PITPNM2: variants seen among roughly 807,000 people sequenced by gnomAD.
PITPNM2 encodes the protein membrane-associated phosphatidylinositol transfer protein 2.
A neutral mutation model predicts 132.2 loss-of-function variants in PITPNM2; 35 were observed. That is an observed-to-expected ratio of 0.26 (90% confidence interval 0.20 to 0.35). PITPNM2 has a LOEUF of 0.35. Among genes scored for constraint, PITPNM2 ranks in the 10% least tolerant of loss-of-function variants. The pLI is 1.00. For synonymous variants in PITPNM2, 738 were observed against 799.2 expected, an observed-to-expected ratio of 0.92 and a Z score of 1.29; for missense variants, 1,332 against 1,912.0, an observed-to-expected ratio of 0.70 and a Z score of 5.66.
chr12:123,067,612 G>C (rs1382952530), intron 2 of PITPNM2, among the ~76,000 whole-genome samples: 2 of 152,208 alleles, frequency 1.3e-5, no homozygotes, highest in Non-Finnish European at 2.9e-5. Flanking sequence ...GCCACCAGAA[G>C]CTGCAAGAGG....
At chr12:123,130,835 T>C (rs778092272) in intron 1 of PITPNM2, among the ~76,000 whole-genome samples, 1 of 152,278 alleles carries the variant, frequency 6.6e-6, no homozygotes, top group Non-Finnish European at 1.5e-5. Context: ...CAGCCTTCCC[T>C]GTAATAAATG....
chr12:122,987,181 C>T, intron 23 of PITPNM2, 100 bp downstream of exon 23: 3 of 1,526,940 alleles, frequency 2.0e-6, no homozygotes, highest in Non-Finnish European at 1.8e-6. Flanking sequence ...AGCCAGGCGT[C>T]CCCCACAGAG....
At chr12:123,144,710 A>T (rs1033163561) in intron 1 of PITPNM2, among the ~76,000 whole-genome samples, 1 of 152,116 alleles carries the variant, frequency 6.6e-6, no homozygotes. Flanking sequence ...GATTACAGGC[A>T]TGAGCCACTG....
At chr12:123,035,820 G>A (rs1349727474) in intron 2 of PITPNM2, among the ~76,000 whole-genome samples, 1 of 152,144 alleles carries the variant, frequency 6.6e-6, no homozygotes, top group African/African-American at 2.4e-5. Flanking sequence ...TTAACATGAA[G>A]CCAAGTGAAG....
rs748165931 is a variant in PITPNM2 at position 122,986,840 on chromosome 12, G to T, written c.3414-11C>A. On this transcript the variant is annotated splice_polypyrimidine_tract_variant and intron_variant, in intron 23 of 25. Transcript: ENST00000320201. Reference sequence around the variant, plus strand: ...AGGTCCTGCCAGTGCCTGGGGGTGAGGTGTCGTCTCATGGTCACCCCTTCC... The same window carrying T: ...AGGTCCTGCCAGTGCCTGGGGGTGATGTGTCGTCTCATGGTCACCCCTTCC... The T allele has an allele frequency of 4.3e-5, 69 of 1,600,238 alleles. No homozygotes were observed. Among genetic ancestry groups the T allele is most frequent in the Non-Finnish European group, 5.4e-5 (63 of 1,172,456 alleles).
At position 123,141,082 on chromosome 12, in the gene PITPNM2, A is replaced by G. The variant is rs1323863250; in HGVS notation, c.-200+9671T>C. 3.3e-5 allele frequency among the ~76,000 whole-genome samples: 5 copies of G among 152,206 alleles called. No individual in the cohort carries two copies. The East Asian group carries it at 9.6e-4, about 29-fold the overall frequency. On this transcript the variant is annotated intron_variant, in intron 1 of 25. Coordinates refer to ENST00000320201, the MANE Select transcript of PITPNM2 (RefSeq NM_020845.3). ...AACAGCACAGGCTGTGTAACAGAAC[A>G]TGACCAAACACAAGCATGAACATGA...
At chr12:123,045,794 CTCAGTAGCCAGTG>C (rs1416274914) in intron 2 of PITPNM2, among the ~76,000 whole-genome samples, 2 of 152,210 alleles carry the variant, frequency 1.3e-5, no homozygotes, top group African/African-American at 2.4e-5. Context: ...ATGCTGGAGT[CTCAGTAGCCAGTG>C]TCAGTAGCCA....
In PITPNM2 at chr12:123,117,915, C is replaced by T. The variant is rs1289592961; in HGVS notation, c.-199-7427G>A. Among the ~76,000 whole-genome samples the T allele has an allele frequency of 6.6e-6, 1 of 152,218 alleles. No individual in the cohort carries two copies. The highest frequency in any genetic ancestry group is 1.5e-5 in the Non-Finnish European group (1 of 68,044). On this transcript the variant is annotated intron_variant, in intron 1 of 25. Coordinates refer to ENST00000320201, the MANE Select transcript of PITPNM2 (RefSeq NM_020845.3). This position sits in a 1 kb window ranked among gnomAD's most constrained non-coding sequence, Gnocchi z 4.7. ...CCCCCAGAATGCCCCATGCAATCTC[C>T]TATGCTCCCTCTTTCTCTGCTTACC...
At chr12:123,129,444 C>G (rs2043215789) in intron 1 of PITPNM2, among the ~76,000 whole-genome samples, 1 of 151,792 alleles carries the variant, frequency 6.6e-6, no homozygotes, top group African/African-American at 2.4e-5. Context: ...GTGGCGGGTG[C>G]CTGTAGTCTC....
intron 3 of PITPNM2, among the ~76,000 whole-genome samples, chr12:123,027,218 G>T (rs1028465859): frequency 6.6e-6 from 1 of 152,090 alleles, no homozygotes; most frequent in Non-Finnish European, 1.5e-5. Context: ...ACTTTCCCCA[G>T]TGTATGGTGA....
At chr12:123,086,352 A>T (rs1013816986) in intron 2 of PITPNM2, among the ~76,000 whole-genome samples, 1 of 152,196 alleles carries the variant, frequency 6.6e-6, no homozygotes, top group Non-Finnish European at 1.5e-5. Flanking sequence ...GGGGGTGAAG[A>T]CAGTGTTTGT....
At position 123,150,966 on chromosome 12, in the gene PITPNM2, T is replaced by G. The variant is rs980302241; in HGVS notation, c.-413A>C. On this transcript the variant is annotated 5_prime_UTR_variant, in exon 1 of 26. Coordinates refer to ENST00000320201, the MANE Select transcript of PITPNM2 (RefSeq NM_020845.3). The surrounding 1 kb of genome is among the most constrained non-coding windows in gnomAD (Gnocchi z 6.0). ...AGGCGGGCGGCGGCGGCGCACGTGC[T>G]GGCGGGCGGCTCTCGCTGAGGCGGC... is the stretch of plus-strand genomic sequence containing the variant. Among the ~76,000 whole-genome samples the G allele has an allele frequency of 1.7e-4, 24 of 140,410 alleles. No individual in the cohort carries two copies. The highest frequency in any genetic ancestry group is 3.3e-4 in the Non-Finnish European group (21 of 64,160). 92.1% of individuals were successfully genotyped at this position (140,410 alleles called of 152,430 possible). A position where few individuals can be genotyped will look rare whatever the true frequency, so the allele number is the denominator to read the frequency against.
At chr12:122,997,203 G>T in intron 11 of PITPNM2, 122 bp downstream of exon 11, 1 of 1,437,156 alleles carries the variant, frequency 7.0e-7, no homozygotes, top group Non-Finnish European at 9.4e-7. Context: ...GGTAGAAGGG[G>T]CTGGCCGGTG....
At position 123,077,151 on chromosome 12, in the gene PITPNM2, G is replaced by T. The variant is rs1049981578; in HGVS notation, c.-96+33234C>A. Reference sequence around the variant, plus strand: ...CCTGCCTGACCAAACTGTGCCGAGGGGCTGTCCCAAACAGATGGTGCTATC... The same window carrying T: ...CCTGCCTGACCAAACTGTGCCGAGGTGCTGTCCCAAACAGATGGTGCTATC... On this transcript the variant is annotated intron_variant, in intron 2 of 25. Coordinates refer to ENST00000320201, the MANE Select transcript of PITPNM2 (RefSeq NM_020845.3). The surrounding 1 kb of genome is among the most constrained non-coding windows in gnomAD (Gnocchi z 4.8). 6.6e-6 allele frequency among the ~76,000 whole-genome samples: 1 copy of T among 152,170 alleles called. No individual in the cohort carries two copies. Among genetic ancestry groups the T allele is most frequent in the African/African-American group, 2.4e-5 (1 of 41,424 alleles).
chr12:123,047,038 T>C (rs912161849), intron 2 of PITPNM2, among the ~76,000 whole-genome samples: 3 of 152,252 alleles, frequency 2.0e-5, no homozygotes, highest in Admixed American at 2.0e-4. Context: ...AGCCTTTTTA[T>C]TCTTGCTTCT....
intron 16 of PITPNM2, chr12:122,991,740 G>A: frequency 7.7e-7 from 1 of 1,296,254 alleles, no homozygotes; most frequent in Non-Finnish European, 9.8e-7. Flanking sequence ...ACCACGAGCA[G>A]GGGAGGGTAC....
intron 2 of PITPNM2, among the ~76,000 whole-genome samples, chr12:123,076,722 C>T (rs1383650790): frequency 6.6e-6 from 1 of 152,178 alleles, no homozygotes; most frequent in Non-Finnish European, 1.5e-5. Context: ...GGTACCTGAA[C>T]TCTGAAGCTC....
intron 2 of PITPNM2, among the ~76,000 whole-genome samples, chr12:123,037,630 GTC>G (rs2040320359): frequency 6.6e-6 from 1 of 152,176 alleles, no homozygotes; most frequent in Non-Finnish European, 1.5e-5. Context: ...CCCTTTGGGA[GTC>G]TTAACCCCTC....
Position 122,984,383 on chromosome 12 carries a change from A to AG in PITPNM2, c.*1643dup, listed in dbSNP as rs1305784155. ...GGCCAAGCAACTTCCTGCTGGGAGC[A>AG]GGGGGGTCAGATATTGCACTTTCAC... On this transcript the variant is annotated 3_prime_UTR_variant, in exon 26 of 26. Coordinates refer to ENST00000320201, the MANE Select transcript of PITPNM2 (RefSeq NM_020845.3). 1.3e-5 allele frequency: 2 copies of AG among 152,668 alleles called. No individual in the cohort carries two copies. The highest frequency in any genetic ancestry group is 6.5e-5 in the Admixed American group (1 of 15,292). The allele number at this position is 152,668 out of a possible 1,614,324, so 9.5% of individuals were successfully genotyped here.
Sources: gnomAD v4.1 joint callset for allele counts (sites outside exome capture counted in the v4.1 genomes callset) on GRCh38, gnomAD v4.1.1 for gene constraint, Gnocchi (gnomAD v3.1) non-coding constraint, MANE v1.5 for transcripts, NCBI Gene and HGNC (gene_info 2026-07-23, HGNC 2026-07-21) for gene names.